The following THSD7A variants were observed in gnomAD, a reference collection of about 807,000 sequenced individuals.
THSD7A encodes the protein thrombospondin type-1 domain-containing protein 7A.
Under a neutral mutation model 231.3 loss-of-function variants are expected in THSD7A, and 96 were observed. That is an observed-to-expected ratio of 0.41 (90% CI 0.35 to 0.49). THSD7A has a LOEUF of 0.49. THSD7A is among the 20% of genes least tolerant of loss of function. The probability of loss-of-function intolerance (pLI) is 0.05; values close to 1 mark genes in which losing one functional copy is unlikely to be tolerated. For synonymous variants in THSD7A, 940 were observed against 743.3 expected (o/e 1.26, Z -4.30); for missense variants, 2,290 against 2,070.2 (o/e 1.11, Z -2.06).
rs771878119 is a variant in THSD7A at position 11,417,596 on chromosome 7, G to T, written c.3391C>A (p.Gln1131Lys). 1.3e-6 allele frequency: 2 copies of T among 1,599,100 alleles called. No homozygotes were observed. Among genetic ancestry groups the T allele is most frequent in the Non-Finnish European group, 1.7e-6 (2 of 1,176,186 alleles). ...GVQTRKVRCM[Q>K]NTADGPSEHV... Reference sequence around the variant, plus strand: ...TCAGAAGGGCCATCTGCTGTATTCTGCATGCATCTAGAAAAGAACATAAAC... The same window carrying T: ...TCAGAAGGGCCATCTGCTGTATTCTTCATGCATCTAGAAAAGAACATAAAC... Residue 1131 changes from glutamine (Q) to lysine (K), a missense_variant, in exon 17 of 28, where the codon CAG becomes AAG. Coordinates refer to ENST00000423059, the MANE Select transcript of THSD7A (RefSeq NM_015204.3).
chr7:11,598,431 G>C (rs1780442389), intron 2 of THSD7A, among the ~76,000 whole-genome samples: 1 of 152,168 alleles, frequency 6.6e-6, no homozygotes, highest in Non-Finnish European at 1.5e-5. Context: ...AGCCACCCCT[G>C]TCATCGCCCA....
At chr7:11,414,744 T>C (rs1252341444) in intron 17 of THSD7A, among the ~76,000 whole-genome samples, 1 of 152,182 alleles carries the variant, frequency 6.6e-6, no homozygotes, top group Non-Finnish European at 1.5e-5. Context: ...AGGCCTAAAA[T>C]AATTGCTTCC....
chr7:11,589,429 T>C (rs1162317798), intron 4 of THSD7A, among the ~76,000 whole-genome samples: 1 of 152,192 alleles, frequency 6.6e-6, no homozygotes, highest in East Asian at 1.9e-4. Flanking sequence ...AAGTAGTGTC[T>C]CTGTCGTCAT....
intron 2 of THSD7A, among the ~76,000 whole-genome samples, chr7:11,599,347 A>C (rs1024898001): frequency 6.6e-6 from 1 of 152,194 alleles, no homozygotes; most frequent in Non-Finnish European, 1.5e-5. Context: ...GGGAATACAG[A>C]ATGAGTAGCA....
At chr7:11,530,383 A>G (rs1187847760) in intron 6 of THSD7A, among the ~76,000 whole-genome samples, 1 of 152,128 alleles carries the variant, frequency 6.6e-6, no homozygotes, top group Admixed American at 6.6e-5. Flanking sequence ...ATTAAGAGTC[A>G]TTTCTTGAAA....
chr7:11,702,053 A>G (rs1397763588), intron 1 of THSD7A, among the ~76,000 whole-genome samples: 1 of 151,200 alleles, frequency 6.6e-6, no homozygotes, highest in Non-Finnish European at 1.5e-5. Flanking sequence ...CCGGTGTCTT[A>G]GTCTATCTTC....
At chr7:11,523,308 A>C (rs1187250032) in intron 6 of THSD7A, among the ~76,000 whole-genome samples, 3 of 152,080 alleles carry the variant, frequency 2.0e-5, no homozygotes, top group African/African-American at 7.2e-5. Context: ...TTACTAAATG[A>C]GAGACACAGG....
intron 1 of THSD7A, among the ~76,000 whole-genome samples, chr7:11,810,838 T>C (rs143314891): frequency 6.6e-6 from 1 of 152,178 alleles, no homozygotes; most frequent in Non-Finnish European, 1.5e-5. Flanking sequence ...TTTTCAAATG[T>C]AGAAAACCAT....
rs1006398680 is a variant in THSD7A, at chr7:11,541,574, G to A, written c.1667C>T (p.Thr556Ile). The change falls in exon 6 of 28, where the codon ACC becomes ATC. Residue 556 changes from threonine to isoleucine, a missense_variant. Physicochemically the swap from Thr to Ile is moderately conservative, Grantham distance 89 (BLOSUM62 -1). Coordinates refer to ENST00000423059, the MANE Select transcript of THSD7A (RefSeq NM_015204.3). ...TTCCAGTAAGTGAGGGCAGTTTCCG[G>A]TTACCCCAGAGCCTCCAGTGGGCTC... Reference protein sequence around the residue: ...TNEPTGGSGVTGNCPHLLEAI... With the variant: ...TNEPTGGSGVIGNCPHLLEAI... 6.2e-7 allele frequency: 1 copy of A among 1,613,930 alleles called. No homozygotes were observed. Among genetic ancestry groups the A allele is most frequent in the East Asian group, 2.2e-5 (1 of 44,870 alleles).
chr7:11,599,481 A>T (rs1190161011), intron 2 of THSD7A, among the ~76,000 whole-genome samples: 1 of 152,222 alleles, frequency 6.6e-6, no homozygotes, highest in Non-Finnish European at 1.5e-5. Flanking sequence ...ATACACTTGT[A>T]CTAAGAAAAT....
At chr7:11,782,138 T>G (rs1172202648) in intron 1 of THSD7A, among the ~76,000 whole-genome samples, 2 of 152,144 alleles carry the variant, frequency 1.3e-5, no homozygotes, top group African/African-American at 4.8e-5. Flanking sequence ...AAAAAGAAAC[T>G]AAAACCGTAT....
At chr7:11,453,114 T>C (rs1210355753) in intron 11 of THSD7A, among the ~76,000 whole-genome samples, 1 of 151,948 alleles carries the variant, frequency 6.6e-6, no homozygotes, top group African/African-American at 2.4e-5. Context: ...ACCTCAATAA[T>C]GCCTCTAAAA....
rs1189396637 is a variant in THSD7A at position 11,373,202 on chromosome 7, C to G, written c.*2592G>C. ...TTCTTATAGGTAGGATGATACTAAT[C>G]TTTTCTGAATTAATGACATTTTACA... On this transcript the variant is annotated 3_prime_UTR_variant, in exon 28 of 28. Transcript: ENST00000423059. 3 of 151,890 alleles carry G rather than the reference C, an allele frequency of 2.0e-5. No individual in the cohort carries two copies. Among genetic ancestry groups the G allele is most frequent in the Non-Finnish European group, 4.4e-5 (3 of 67,930 alleles). The allele number at this position is 151,890 out of a possible 1,614,324, so 9.4% of individuals were successfully genotyped here. A position where few individuals can be genotyped will look rare whatever the true frequency, so the allele number is the denominator to read the frequency against.
intron 23 of THSD7A, among the ~76,000 whole-genome samples, chr7:11,391,621 ATGGTTCTGTCCTGC>A (rs1782984829): frequency 7.1e-6 from 1 of 141,632 alleles, no homozygotes; most frequent in African/African-American, 3.1e-5. Context: ...CTGGCAGTGA[ATGGTTCTGTCCTGC>A]TGGCATTCCA....
chr7:11,383,978 A>C (rs1782628077), intron 23 of THSD7A: 1 of 152,026 alleles, frequency 6.6e-6, no homozygotes, highest in African/African-American at 2.4e-5. Context: ...AGAAGCAGAT[A>C]AGAGAATCCA....
intron 9 of THSD7A, among the ~76,000 whole-genome samples, chr7:11,466,732 C>G (rs1474586490): frequency 2.6e-5 from 4 of 152,106 alleles, no homozygotes; most frequent in African/African-American, 9.7e-5. Flanking sequence ...TGCTCTGCCG[C>G]TTAGAGAGCC....
chr7:11,531,558 A>T (rs181184611), intron 6 of THSD7A, among the ~76,000 whole-genome samples: 1 of 152,170 alleles, frequency 6.6e-6, no homozygotes. Context: ...CTTGCATTTA[A>T]TGTTCCTTCT....
chr7:11,815,051 C>T (rs1784636744), intron 1 of THSD7A, among the ~76,000 whole-genome samples: 1 of 150,510 alleles, frequency 6.6e-6, no homozygotes, highest in South Asian at 2.1e-4. Flanking sequence ...TTTGTTGTTA[C>T]ATATACTTTC....
chr7:11,646,880 G>A (rs1276004158), intron 1 of THSD7A, among the ~76,000 whole-genome samples: 1 of 152,042 alleles, frequency 6.6e-6, no homozygotes, highest in East Asian at 1.9e-4. Flanking sequence ...ATGGAGCAGG[G>A]CTAAGGCACA....
Sources: gnomAD v4.1 joint callset for allele counts (sites outside exome capture counted in the v4.1 genomes callset) on GRCh38, gnomAD v4.1.1 for gene constraint, MANE v1.5 for transcripts, NCBI Gene and HGNC (gene_info 2026-07-23, HGNC 2026-07-21) for gene names.